ZNF610: variants seen among roughly 807,000 people sequenced by gnomAD.
The protein encoded by ZNF610 is zink finger protein.
A neutral mutation model predicts 14.1 loss-of-function variants in ZNF610; 14 were observed. That is an observed-to-expected ratio of 0.99 (90% CI 0.65 to 1.55). The LOEUF (loss-of-function observed/expected upper bound fraction) is 1.55. Ranked by LOEUF, ZNF610 falls within the 40% of genes most tolerant of loss-of-function variation. The pLI, the probability that ZNF610 is intolerant of heterozygous loss-of-function variation, is 0.00. For missense variants in ZNF610, 530 were observed against 558.0 expected (o/e 0.95, Z 0.51); for synonymous variants, 185 against 187.6 (o/e 0.99, Z 0.11).
At chr19:52,348,435 G>A (rs1471094932) in intron 2 of ZNF610, among the ~76,000 whole-genome samples, 1 of 152,022 alleles carries the variant, frequency 6.6e-6, no homozygotes, top group Non-Finnish European at 1.5e-5. Flanking sequence ...GTCTGTCGTT[G>A]GTTGAATCCC....
intron 1 of ZNF610, chr19:52,344,013 C>G (rs952687841): frequency 6.6e-6 from 1 of 152,096 alleles, no homozygotes; most frequent in African/African-American, 2.4e-5. Context: ...ACCACATTCT[C>G]TGGGGTGGGA....
At chr19:52,365,232 C>A (rs1473553784) in intron 5 of ZNF610, among the ~76,000 whole-genome samples, 2 of 142,318 alleles carry the variant, frequency 1.4e-5, no homozygotes, top group East Asian at 4.2e-4. Context: ...AGAGAGACTC[C>A]GTCTCAAAAA....
At chr19:52,351,360 GCGGGAGAATCACTTGAACC>G (rs1326656863) in intron 3 of ZNF610, among the ~76,000 whole-genome samples, 1 of 152,042 alleles carries the variant, frequency 6.6e-6, no homozygotes, top group African/African-American at 2.4e-5. Context: ...GGAGGCTTAG[GCGGGAGAATCACTTGAACC>G]CGGGAGATGG....
At chr19:52,348,482 G>A (rs1041753336) in intron 2 of ZNF610, among the ~76,000 whole-genome samples, 2 of 152,188 alleles carry the variant, frequency 1.3e-5, no homozygotes, top group Non-Finnish European at 2.9e-5. Context: ...ACTGAGGGCC[G>A]AGTGTAGACT....
At chr19:52,353,569 G>T in intron 3 of ZNF610, 113 bp from the exon 4 acceptor site, 1 of 1,190,042 alleles carries the variant, frequency 8.4e-7, no homozygotes. Context: ...AAGTTTCTAT[G>T]TTTTTTAATG....
intron 5 of ZNF610, among the ~76,000 whole-genome samples, chr19:52,356,855 C>G (rs925378179): frequency 6.6e-6 from 1 of 152,198 alleles, no homozygotes; most frequent in African/African-American, 2.4e-5. Flanking sequence ...CAAACCGTAT[C>G]TTCCTCTGTC....
chr19:52,331,518 C>T (rs1399729075), upstream of ZNF610, among the ~76,000 whole-genome samples: 2 of 152,168 alleles, frequency 1.3e-5, no homozygotes, highest in Admixed American at 6.5e-5. Flanking sequence ...TGGGACGTGA[C>T]CAACTCAGCA....
chr19:52,347,471 T>C (rs996608272), intron 1 of ZNF610, among the ~76,000 whole-genome samples: 7 of 152,242 alleles, frequency 4.6e-5, no homozygotes, highest in African/African-American at 1.4e-4. Context: ...TAATTTGTTA[T>C]TGAGAAAAAA....
upstream of ZNF610, chr19:52,336,145 CA>C: frequency 6.1e-6 from 1 of 163,494 alleles, no homozygotes; most frequent in Non-Finnish European, 1.3e-5. Context: ...TCACTGCCAG[CA>C]AAACCCGGAA....
In ZNF610 at chr19:52,344,319, A is replaced by AC. The variant is rs34109798; in HGVS notation, c.-257-3381dup. Among the ~76,000 whole-genome samples the AC allele has an allele frequency of 1.4e-4, 21 of 150,170 alleles. 1 individual carries two copies. Among genetic ancestry groups the AC allele is most frequent in the African/African-American group, 4.2e-4 (17 of 40,792 alleles). On this transcript the variant is annotated intron_variant, in intron 1 of 5. Coordinates refer to ENST00000403906, the MANE Select transcript of ZNF610 (RefSeq NM_001161425.2). Reference sequence around the variant, plus strand: ...GGTAGTACCTTCTTAGGATTCTGTGACCCCCCCATAGCCCCCGATTTAACA... The same window carrying AC: ...GGTAGTACCTTCTTAGGATTCTGTGACCCCCCCCATAGCCCCCGATTTAACA...
chr19:52,342,128 A>T (rs772171724), intron 1 of ZNF610, among the ~76,000 whole-genome samples: 73 of 152,234 alleles, frequency 4.8e-4, no homozygotes, highest in Non-Finnish European at 6.8e-4. Context: ...ATTTTTGTAG[A>T]GTTGGGGTCT....
At chr19:52,345,574 G>GA (rs914397564) in intron 1 of ZNF610, 35 of 147,414 alleles carry the variant, frequency 2.4e-4, no homozygotes, top group Middle Eastern at 3.5e-3. Flanking sequence ...TGAAGGAAAA[G>GA]AAAAAAAAAA....
intron 1 of ZNF610, among the ~76,000 whole-genome samples, chr19:52,338,793 T>A (rs535894642): frequency 6.6e-6 from 1 of 152,120 alleles, no homozygotes; most frequent in Non-Finnish European, 1.5e-5. Flanking sequence ...AGGGGTGGCC[T>A]GCCCCTCCAC....
At chr19:52,334,010 G>T (rs953085128), upstream of ZNF610, among the ~76,000 whole-genome samples, 2 of 152,126 alleles carry the variant, frequency 1.3e-5, no homozygotes, top group Non-Finnish European at 2.9e-5. Flanking sequence ...AAAAGAACAT[G>T]AGTTAAAACC....
At chr19:52,365,265 G>A (rs1422023771) in intron 5 of ZNF610, among the ~76,000 whole-genome samples, 2 of 151,878 alleles carry the variant, frequency 1.3e-5, no homozygotes, top group African/African-American at 4.8e-5. Flanking sequence ...AATTGTGACA[G>A]GTGTGACAGG....
intron 2 of ZNF610, among the ~76,000 whole-genome samples, chr19:52,348,891 A>C (rs1432794235): frequency 6.6e-6 from 1 of 152,120 alleles, no homozygotes; most frequent in African/African-American, 2.4e-5. Flanking sequence ...TCTTCCCTGA[A>C]TGGGGCAGCT....
chr19:52,360,557 G>T (rs532017372), intron 5 of ZNF610, among the ~76,000 whole-genome samples: 4 of 152,142 alleles, frequency 2.6e-5, no homozygotes, highest in Non-Finnish European at 5.9e-5. Flanking sequence ...TTTATATAAG[G>T]CTTCTGTATG....
At chr19:52,353,885 G>A in intron 4 of ZNF610, 77 bp downstream of exon 4, 1 of 1,520,404 alleles carries the variant, frequency 6.6e-7, no homozygotes, top group Non-Finnish European at 8.8e-7. Flanking sequence ...CCTCTTGGGA[G>A]CCCCTAAATT....
At chr19:52,363,081 G>GCT (rs1985857645) in intron 5 of ZNF610, among the ~76,000 whole-genome samples, 1 of 151,428 alleles carries the variant, frequency 6.6e-6, no homozygotes, top group Non-Finnish European at 1.5e-5. Flanking sequence ...AGTGAGGGGG[G>GCT]CTCCAAAGCC....
Sources: allele counts gnomAD v4.1 joint callset (sites outside exome capture counted in the v4.1 genomes callset), GRCh38; gene constraint gnomAD v4.1.1; transcripts MANE v1.5; gene names NCBI Gene and HGNC (gene_info 2026-07-23, HGNC 2026-07-21).